Variants in DLC1 observed in about 807,000 individuals in gnomAD.
DLC1 encodes the protein DLC1 Rho GTPase activating protein.
A neutral mutation model predicts 140.3 loss-of-function variants in DLC1; 54 were observed. The ratio of observed to expected loss-of-function variants is 0.38; its 90% CI spans 0.31 to 0.48. The LOEUF is 0.48. DLC1 is among the 20% of genes least tolerant of loss of function. The probability of loss-of-function intolerance (pLI) is 0.96; values close to 1 mark genes in which losing one functional copy is unlikely to be tolerated. For synonymous variants in DLC1, 986 were observed against 728.1 expected (o/e 1.35, Z -5.70); for missense variants, 2,536 against 1,907.0 (o/e 1.33, Z -6.14).
chr8:13,501,800 A>G (rs1182417237), intron 1 of DLC1, among the ~76,000 whole-genome samples: 2 of 152,208 alleles, frequency 1.3e-5, no homozygotes, highest in Non-Finnish European at 2.9e-5. Context: ...CACTCAAAAG[A>G]AAATATAAAA....
At chr8:13,282,818 T>C (rs1163538069) in intron 5 of DLC1, among the ~76,000 whole-genome samples, 7 of 152,210 alleles carry the variant, frequency 4.6e-5, no homozygotes, top group Non-Finnish European at 7.3e-5. Flanking sequence ...AGCTGTTTTA[T>C]GTGTCTTTTT....
Position 13,102,783 on chromosome 8 carries a change from T to C in DLC1, c.1566+7A>G. On this transcript the variant is annotated splice_region_variant and intron_variant, in intron 8 of 17. Transcript: ENST00000276297. ...CCCTCATTCTATTATGCAATTTGTA[T>C]ACTCACTCGTTTCCGATGAGGACTA... 2 of 1,613,150 alleles carry C rather than the reference T, an allele frequency of 1.2e-6. No homozygotes were observed. The highest frequency in any genetic ancestry group is 8.5e-7 in the Non-Finnish European group (1 of 1,179,314).
rs116448859 is a variant in DLC1 at position 13,128,469 on chromosome 8, C to T, written c.1349-12812G>A. Among the ~76,000 whole-genome samples, 967 of 152,256 alleles carry T rather than the reference C, an allele frequency of 6.4e-3. 14 individuals are homozygous for T. The highest frequency in any genetic ancestry group is 0.021 in the African/African-American group (887 of 41,550). ...CGCACACAAGCCTCCCAGGAAATTA[C>T]AAAGTAACTATAAGGCTCCGTAAGG... On this transcript the variant is annotated intron_variant, in intron 5 of 17. Transcript: ENST00000276297.
intron 5 of DLC1, among the ~76,000 whole-genome samples, chr8:13,258,400 G>A (rs1830339645): frequency 2.6e-5 from 4 of 152,176 alleles, no homozygotes; most frequent in Non-Finnish European, 1.5e-5. Flanking sequence ...TAGGAAGATA[G>A]GAGAGAATTT....
chr8:13,494,283 C>A (rs948280066), intron 2 of DLC1, among the ~76,000 whole-genome samples: 3 of 152,172 alleles, frequency 2.0e-5, no homozygotes, highest in African/African-American at 4.8e-5. Context: ...TTGTCCCTTA[C>A]GTCTTTGATA....
chr8:13,296,037 C>G (rs751497763), intron 5 of DLC1, among the ~76,000 whole-genome samples: 7 of 146,240 alleles, frequency 4.8e-5, no homozygotes, highest in Non-Finnish European at 1.0e-4. Context: ...ACTGCACCCT[C>G]CATCACCTCC....
intron 5 of DLC1, chr8:13,116,166 C>T (rs985802410): frequency 3.0e-6 from 3 of 986,084 alleles, no homozygotes; most frequent in African/African-American, 3.5e-5. Flanking sequence ...TTCACTGTTG[C>T]GTGATCAGGT....
chr8:13,179,865 G>A (rs947324153), intron 5 of DLC1, among the ~76,000 whole-genome samples: 1 of 152,232 alleles, frequency 6.6e-6, no homozygotes, highest in South Asian at 2.1e-4. Flanking sequence ...CTATGCTGGG[G>A]AGATCTGGAC....
rs553041092 is a variant in DLC1 at position 13,497,401 on chromosome 8, A to G, written c.1023+1648T>C. Among the ~76,000 whole-genome samples, 5 of 152,344 alleles carry G rather than the reference A, an allele frequency of 3.3e-5. No individual in the cohort carries two copies. In the South Asian group the frequency reaches 1.0e-3, roughly 32 times the overall value. ...ATCTATTTATTAGAAGGCATCCTAA[A>G]TGGGTTGTAGAGTTAAAGTAAATAT... On this transcript the variant is annotated intron_variant, in intron 2 of 17. Coordinates refer to ENST00000276297, the MANE Select transcript of DLC1 (RefSeq NM_182643.3).
chr8:13,323,463 A>C (rs1833208801), intron 4 of DLC1, among the ~76,000 whole-genome samples: 1 of 152,206 alleles, frequency 6.6e-6, no homozygotes, highest in Non-Finnish European at 1.5e-5. Flanking sequence ...AATAGGCAGA[A>C]AGTGGGCCTC....
At chr8:13,441,249 A>G (rs1490713207) in intron 2 of DLC1, among the ~76,000 whole-genome samples, 1 of 152,198 alleles carries the variant, frequency 6.6e-6, no homozygotes, top group Admixed American at 6.5e-5. Flanking sequence ...CACAGCCAAT[A>G]TTATACTGCA....
At chr8:13,201,140 A>G (rs904652951) in intron 5 of DLC1, among the ~76,000 whole-genome samples, 2 of 120,866 alleles carry the variant, frequency 1.7e-5, no homozygotes, top group African/African-American at 8.4e-5. Context: ...GAAACAAGGA[A>G]AAAAAAAAAG....
Position 13,095,182 on chromosome 8 carries a change from C to G in DLC1, c.3231G>C (p.Gly1077=). Residue 1077 remains glycine (G), a synonymous_variant, in exon 11 of 18, where the codon GGG becomes GGC. Transcript: ENST00000276297. ...GCTGCACGTTGACCGTCAGTGGGACCCCAAACACACTCCGGTCCTTGTAGT... is the reference window on the plus strand; with the variant it reads ...GCTGCACGTTGACCGTCAGTGGGACGCCAAACACACTCCGGTCCTTGTAGT... ...VPDYKDRSVF[G]VPLTVNVQRT... 3 of 1,614,220 alleles carry G rather than the reference C, an allele frequency of 1.9e-6. No individual in the cohort carries two copies. Among genetic ancestry groups the G allele is most frequent in the East Asian group, 2.2e-5 (1 of 44,884 alleles).
chr8:13,520,174 A>T (rs916298192), intron 1 of DLC1, among the ~76,000 whole-genome samples: 13 of 152,222 alleles, frequency 8.5e-5, no homozygotes, highest in Non-Finnish European at 2.9e-5. Context: ...ACATGCACAC[A>T]TATGTTTATT....
intron 1 of DLC1, among the ~76,000 whole-genome samples, chr8:13,535,124 T>C (rs1803232397): frequency 6.6e-6 from 1 of 152,176 alleles, no homozygotes; most frequent in African/African-American, 2.4e-5. Context: ...TTGATATCTT[T>C]ATTGTATTAA....
At chr8:13,124,722 C>A (rs1821408841) in intron 5 of DLC1, among the ~76,000 whole-genome samples, 1 of 152,200 alleles carries the variant, frequency 6.6e-6, no homozygotes, top group African/African-American at 2.4e-5. Flanking sequence ...TTGCCAGTGG[C>A]TTTGTAAATT....
intron 1 of DLC1, among the ~76,000 whole-genome samples, chr8:13,580,257 G>T (rs1184810096): frequency 6.6e-6 from 1 of 151,924 alleles, no homozygotes; most frequent in Non-Finnish European, 1.5e-5. Context: ...CGAGTAGCTG[G>T]GCCTACAGGC....
In DLC1 at chr8:13,115,581, C is replaced by T. The variant is rs1374710501; in HGVS notation, c.1420+5G>A. On this transcript the variant is annotated splice_donor_5th_base_variant and intron_variant, in intron 6 of 17. Transcript: ENST00000276297. ...AACTTTTAAAAAGTGGCATTCCCAG[C>T]TTACCTTCATAAAGCTGTGCATACT... 2 of 1,612,028 alleles carry T rather than the reference C, an allele frequency of 1.2e-6. No individual in the cohort carries two copies. The highest frequency in any genetic ancestry group is 8.5e-7 in the Non-Finnish European group (1 of 1,179,174).
intron 5 of DLC1, among the ~76,000 whole-genome samples, chr8:13,161,191 T>C (rs904031902): frequency 2.0e-5 from 3 of 152,186 alleles, no homozygotes; most frequent in African/African-American, 7.2e-5. Context: ...CACCTATGTC[T>C]ACGTGAAGCA....
Sources: allele counts gnomAD v4.1 joint callset (sites outside exome capture counted in the v4.1 genomes callset), GRCh38; gene constraint gnomAD v4.1.1; transcripts MANE v1.5; gene names NCBI Gene and HGNC (gene_info 2026-07-23, HGNC 2026-07-21).